Variants in UNC5D observed in about 807,000 individuals in gnomAD.
The protein encoded by UNC5D is unc-5 netrin receptor D.
In UNC5D, 39 loss-of-function variants were observed where a neutral mutation model predicts 105.4. The observed-to-expected ratio is 0.37, with a 90% confidence interval of 0.29 to 0.48. UNC5D has a LOEUF of 0.48. Among genes scored for constraint, UNC5D ranks in the 20% least tolerant of loss-of-function variants. UNC5D has a pLI of 0.98. For missense variants in UNC5D, 991 were observed against 1,202.4 expected, an observed-to-expected ratio of 0.82 and a Z score of 2.60; for synonymous variants, 452 against 450.4, an observed-to-expected ratio of 1.00 and a Z score of -0.04.
intron 1 of UNC5D, among the ~76,000 whole-genome samples, chr8:35,407,448 A>G (rs1406772295): frequency 6.6e-6 from 1 of 152,124 alleles, no homozygotes; most frequent in African/African-American, 2.4e-5. Flanking sequence ...ACTACACTGG[A>G]TCTGATCACT....
At chr8:35,250,126 A>G (rs1191005214) in intron 1 of UNC5D, among the ~76,000 whole-genome samples, 1 of 152,148 alleles carries the variant, frequency 6.6e-6, no homozygotes, top group Non-Finnish European at 1.5e-5. Flanking sequence ...ACCCTTGTTT[A>G]TAGAAACACC....
At chr8:35,244,706 T>G (rs1223412769) in intron 1 of UNC5D, among the ~76,000 whole-genome samples, 1 of 152,192 alleles carries the variant, frequency 6.6e-6, no homozygotes, top group East Asian at 1.9e-4. Context: ...TTCTCAGGTT[T>G]TGTTTTTAAA....
chr8:35,663,653 A>C (rs548425671), intron 4 of UNC5D, among the ~76,000 whole-genome samples: 1 of 152,310 alleles, frequency 6.6e-6, no homozygotes, highest in East Asian at 1.9e-4. Flanking sequence ...TGGTGTATAC[A>C]TGTGAATGTG....
chr8:35,413,779 G>A (rs1399017736), intron 1 of UNC5D, among the ~76,000 whole-genome samples: 1 of 152,090 alleles, frequency 6.6e-6, no homozygotes, highest in African/African-American at 2.4e-5. Context: ...ATCACAGAAA[G>A]TGGATGAAAA....
At position 35,759,536 on chromosome 8, in the gene UNC5D, G is replaced by A. The variant is rs539762910; in HGVS notation, c.2313+67G>A. 1.2e-4 allele frequency: 178 copies of A among 1,537,072 alleles called. 2 individuals are homozygous for A. The South Asian group carries it at 2.1e-3, about 18-fold the overall frequency. ...AACCGGCAAGCATGTCACAGATCCT[G>A]GCAAGGGTCTGCTTGATTTTCCTCC... On this transcript the variant is annotated intron_variant, in intron 14 of 16. Coordinates refer to ENST00000404895, the MANE Select transcript of UNC5D (RefSeq NM_080872.4).
rs1308619304 is a variant in UNC5D, at chr8:35,788,080, G to A, written c.2658-2279G>A. Among the ~76,000 whole-genome samples the A allele has an allele frequency of 4.6e-5, 7 of 152,146 alleles. No homozygotes were observed. In the East Asian group the frequency reaches 1.3e-3, roughly 29 times the overall value. ...CCTTTTCTATTTCACAATTAAAGAT[G>A]TCTATTAGTGGAACATACTTGTAGT... On this transcript the variant is annotated intron_variant, in intron 16 of 16. Transcript: ENST00000404895.
intron 1 of UNC5D, among the ~76,000 whole-genome samples, chr8:35,401,692 G>A (rs1412820864): frequency 6.6e-6 from 1 of 152,146 alleles, no homozygotes; most frequent in African/African-American, 2.4e-5. Context: ...GCAGACACCA[G>A]GCTAGAATAA....
chr8:35,314,294 T>C (rs1809116910), intron 1 of UNC5D, among the ~76,000 whole-genome samples: 1 of 152,176 alleles, frequency 6.6e-6, no homozygotes, highest in Non-Finnish European at 1.5e-5. Context: ...ATGAGTTTGA[T>C]CAAGTGGAGT....
At chr8:35,787,965 G>A (rs1288987120) in intron 16 of UNC5D, among the ~76,000 whole-genome samples, 2 of 151,890 alleles carry the variant, frequency 1.3e-5, no homozygotes, top group African/African-American at 2.4e-5. Context: ...ATTTCTATTA[G>A]TATAGCAATG....
chr8:35,699,006 T>C (rs1208193784), intron 7 of UNC5D, among the ~76,000 whole-genome samples: 1 of 152,168 alleles, frequency 6.6e-6, no homozygotes, highest in Non-Finnish European at 1.5e-5. Context: ...GTTGGAAGCA[T>C]TGCATTTTGT....
At chr8:35,519,405 A>G (rs964103819) in intron 1 of UNC5D, among the ~76,000 whole-genome samples, 1 of 152,254 alleles carries the variant, frequency 6.6e-6, no homozygotes, top group Non-Finnish European at 1.5e-5. Flanking sequence ...CATTTATAAC[A>G]TACCCACATG....
At chr8:35,390,659 C>T (rs778960051) in intron 1 of UNC5D, among the ~76,000 whole-genome samples, 9 of 152,246 alleles carry the variant, frequency 5.9e-5, no homozygotes, top group Middle Eastern at 3.4e-3. Context: ...AACACTCTGG[C>T]GTTTCATTAA....
intron 1 of UNC5D, among the ~76,000 whole-genome samples, chr8:35,338,289 GT>G (rs977038049): frequency 6.6e-6 from 1 of 151,826 alleles, no homozygotes; most frequent in Non-Finnish European, 1.5e-5. Context: ...ATTCTTCAGG[GT>G]TTTTTTTCTT....
chr8:35,781,595 T>C (rs1411538544), intron 16 of UNC5D, among the ~76,000 whole-genome samples: 2 of 152,220 alleles, frequency 1.3e-5, no homozygotes, highest in Non-Finnish European at 2.9e-5. Context: ...TCAGTACATC[T>C]GAATAAGGAT....
At chr8:35,403,336 C>T (rs1051032453) in intron 1 of UNC5D, among the ~76,000 whole-genome samples, 5 of 152,220 alleles carry the variant, frequency 3.3e-5, no homozygotes, top group African/African-American at 9.6e-5. Flanking sequence ...AAGGAAGATG[C>T]TTCTGTATCT....
intron 1 of UNC5D, among the ~76,000 whole-genome samples, chr8:35,542,289 A>G (rs572250880): frequency 2.0e-5 from 3 of 152,208 alleles, no homozygotes; most frequent in Non-Finnish European, 2.9e-5. Flanking sequence ...TTAAGTAACC[A>G]TATGGAGACA....
intron 1 of UNC5D, among the ~76,000 whole-genome samples, chr8:35,394,601 A>G (rs1803987137): frequency 6.6e-6 from 1 of 152,092 alleles, no homozygotes; most frequent in Admixed American, 6.5e-5. Flanking sequence ...TAAAAAAAAA[A>G]AAAATTAGGA....
chr8:35,392,967 A>T (rs1291366788), intron 1 of UNC5D, among the ~76,000 whole-genome samples: 1 of 152,066 alleles, frequency 6.6e-6, no homozygotes, highest in Non-Finnish European at 1.5e-5. Flanking sequence ...CTATTTGATA[A>T]CATTCATATA....
intron 1 of UNC5D, among the ~76,000 whole-genome samples, chr8:35,420,882 T>C (rs1456305223): frequency 6.6e-6 from 1 of 152,080 alleles, no homozygotes; most frequent in Non-Finnish European, 1.5e-5. Flanking sequence ...ATCTGACAAG[T>C]CAAGTAGGAT....
Sources: allele counts gnomAD v4.1 joint callset (sites outside exome capture counted in the v4.1 genomes callset), GRCh38; gene constraint gnomAD v4.1.1; transcripts MANE v1.5; gene names NCBI Gene and HGNC (gene_info 2026-07-23, HGNC 2026-07-21).